Variants in SMURF1 observed in about 807,000 individuals in gnomAD.
SMURF1 encodes E3 ubiquitin-protein ligase SMURF1.
In SMURF1, 44 loss-of-function variants were observed where a neutral mutation model predicts 98.0. The ratio of observed to expected loss-of-function variants is 0.45; its 90% CI spans 0.35 to 0.58. The LOEUF is 0.58. Ranked by LOEUF, SMURF1 falls within the 20% of genes least tolerant of loss-of-function variation. The pLI, the probability that SMURF1 is intolerant of heterozygous loss-of-function variation, is 0.00. For missense variants in SMURF1, 687 were observed against 938.4 expected (o/e 0.73, Z 3.50); for synonymous variants, 396 against 374.9 (o/e 1.06, Z -0.65).
chr7:99,049,341 C>T (rs901040724), intron 9 of SMURF1: 3 of 519,922 alleles, frequency 5.8e-6, no homozygotes, highest in Non-Finnish European at 6.7e-6. Context: ...TTTATGTAGG[C>T]TGCAAGTAAG....
At chr7:99,075,197 C>G (rs1375927397) in intron 1 of SMURF1, among the ~76,000 whole-genome samples, 1 of 152,194 alleles carries the variant, frequency 6.6e-6, no homozygotes, top group African/African-American at 2.4e-5. Context: ...CAGCTCACTG[C>G]AGCCTCAACC....
At chr7:99,070,649 CTTTTTT>C (rs34341240) in intron 1 of SMURF1, among the ~76,000 whole-genome samples, 1 of 148,298 alleles carries the variant, frequency 6.7e-6, no homozygotes, top group Non-Finnish European at 1.5e-5. Context: ...TAGGTAATGA[CTTTTTT>C]TTTTTTAACT....
chr7:99,084,606 A>C (rs191089463), intron 1 of SMURF1, among the ~76,000 whole-genome samples: 35 of 152,246 alleles, frequency 2.3e-4, no homozygotes, highest in African/African-American at 7.9e-4. Flanking sequence ...GATAGTCTCA[A>C]TCTCTTGGCC....
chr7:99,095,697 G>A (rs1796942165), intron 1 of SMURF1, among the ~76,000 whole-genome samples: 1 of 152,166 alleles, frequency 6.6e-6, no homozygotes, highest in African/African-American at 2.4e-5. Flanking sequence ...TTAAATTTAA[G>A]GACCTAAAAG....
In SMURF1 at chr7:99,054,882, C is replaced by T. The variant is rs761284568; in HGVS notation, c.404-17G>A. The stretch of plus-strand genomic sequence containing the variant: ...GTAAACTGACTAAAAGAGAAAAGAA[C>T]GACTTGTGTTAAAACCCAGCGGGGT... On this transcript the variant is annotated splice_polypyrimidine_tract_variant and intron_variant, in intron 5 of 17. Coordinates refer to ENST00000361368, the MANE Select transcript of SMURF1 (RefSeq NM_181349.3). 25 of 1,613,122 alleles carry T rather than the reference C, an allele frequency of 1.5e-5. No individual in the cohort carries two copies. The South Asian group carries it at 1.6e-4, about 11-fold the overall frequency.
chr7:99,082,107 C>G (rs1457220520), intron 1 of SMURF1, among the ~76,000 whole-genome samples: 1 of 152,152 alleles, frequency 6.6e-6, no homozygotes, highest in East Asian at 1.9e-4. Flanking sequence ...CTGTTCAGAT[C>G]CTTTACCCAT....
At chr7:99,067,264 G>A (rs539128811) in intron 1 of SMURF1, among the ~76,000 whole-genome samples, 43 of 152,028 alleles carry the variant, frequency 2.8e-4, no homozygotes, top group Non-Finnish European at 5.4e-4. Context: ...CCAAAGTGCT[G>A]GGATTACAGG....
Position 99,143,876 on chromosome 7 carries a change from C to A in SMURF1, c.-96G>T. On this transcript the variant is annotated 5_prime_UTR_variant, in exon 1 of 18. Transcript: ENST00000361368. ...CGCCGCCGCCTCAAGGTTACGGCTC[C>A]GGGCTGGGCGCCGGGGTCCGAGCCG... 8.7e-7 allele frequency: 1 copy of A among 1,146,430 alleles called. No individual in the cohort carries two copies. 71.0% of individuals were successfully genotyped at this position (1,146,430 alleles called of 1,614,324 possible).
At chr7:99,083,067 G>C (rs927942744) in intron 1 of SMURF1, among the ~76,000 whole-genome samples, 1 of 152,062 alleles carries the variant, frequency 6.6e-6, no homozygotes, top group African/African-American at 2.4e-5. Flanking sequence ...CAGGAAATAA[G>C]GGGACCTGGG....
At position 99,069,958 on chromosome 7, in the gene SMURF1, C is replaced by T. The variant is rs73399243; in HGVS notation, c.56-8121G>A. Among the ~76,000 whole-genome samples, 406 of 152,334 alleles carry T rather than the reference C, an allele frequency of 2.7e-3. 6 individuals are homozygous for T. Among genetic ancestry groups the T allele is most frequent in the African/African-American group, 9.5e-3 (395 of 41,568 alleles). ...TAACAAAACACACTTTAGCACCCAC[C>T]GGCCATGCCTATTGGCTTTGGAGGT... On this transcript the variant is annotated intron_variant, in intron 1 of 17. Transcript: ENST00000361368.
intron 1 of SMURF1, among the ~76,000 whole-genome samples, chr7:99,105,900 CT>C: frequency 6.6e-6 from 1 of 152,344 alleles, no homozygotes; most frequent in South Asian, 2.1e-4. Context: ...AAGTGCTATT[CT>C]ACTTCCAAGC....
intron 1 of SMURF1, among the ~76,000 whole-genome samples, chr7:99,117,001 T>G (rs1482434910): frequency 6.6e-6 from 1 of 152,064 alleles, no homozygotes; most frequent in Non-Finnish European, 1.5e-5. Flanking sequence ...AGAGACATTA[T>G]AGATCAACAG....
At chr7:99,088,069 C>T (rs1265281831) in intron 1 of SMURF1, among the ~76,000 whole-genome samples, 1 of 151,762 alleles carries the variant, frequency 6.6e-6, no homozygotes, top group South Asian at 2.1e-4. Flanking sequence ...CCAGCCTGGC[C>T]AACATAGCAA....
intron 8 of SMURF1, chr7:99,050,987 G>C: frequency 6.4e-7 from 1 of 1,551,152 alleles, no homozygotes; most frequent in Non-Finnish European, 8.7e-7. Context: ...AATGGTCCCC[G>C]AGGGACTGAG....
chr7:99,076,787 ATG>A (rs1796468863), intron 1 of SMURF1, among the ~76,000 whole-genome samples: 1 of 152,086 alleles, frequency 6.6e-6, no homozygotes, highest in South Asian at 2.1e-4. Context: ...GCGTATGTAC[ATG>A]TGTGTGTGCG....
chr7:99,112,087 G>A (rs1467919964), intron 1 of SMURF1, among the ~76,000 whole-genome samples: 4 of 152,164 alleles, frequency 2.6e-5, no homozygotes, highest in Non-Finnish European at 4.4e-5. Context: ...ATACTTTAGG[G>A]AATATGGGCT....
rs533644480 is a variant in SMURF1 at position 99,067,815 on chromosome 7, G to A, written c.56-5978C>T. ...AAAAATACAAAAAATTTAGCCAGGC[G>A]TGGTGGCGGGTACCTGTAATCCTAG... On this transcript the variant is annotated intron_variant, in intron 1 of 17. Transcript: ENST00000361368. Among the ~76,000 whole-genome samples the A allele has an allele frequency of 1.3e-3, 199 of 152,140 alleles. 1 individual carries two copies. The highest frequency in any genetic ancestry group is 4.6e-3 in the African/African-American group (191 of 41,502).
chr7:99,126,310 C>A (rs1313527850), intron 1 of SMURF1, among the ~76,000 whole-genome samples: 1 of 151,022 alleles, frequency 6.6e-6, no homozygotes, highest in Non-Finnish European at 1.5e-5. Flanking sequence ...TAATAAAGTA[C>A]TTATTTCTTC....
Position 99,038,417 on chromosome 7 carries a change from G to A in SMURF1, c.1659C>T (p.Val553=), listed in dbSNP as rs771595176. 6.2e-7 allele frequency: 1 copy of A among 1,614,218 alleles called. No homozygotes were observed. The highest frequency in any genetic ancestry group is 1.1e-5 in the South Asian group (1 of 91,080). ...CGTATTCTTTCTTATTCTCCTCTGT[G>A]ACTGGCACATTTCTGCCATTGGGTT... The part of the protein sequence containing the change: ...ELKPNGRNVP[V]TEENKKEYVR... The change falls in exon 14 of 18, where the codon GTC becomes GTT. Residue 553 remains valine, a synonymous_variant. Coordinates refer to ENST00000361368, the MANE Select transcript of SMURF1 (RefSeq NM_181349.3).
Sources: gnomAD v4.1 joint callset for allele counts (sites outside exome capture counted in the v4.1 genomes callset) on GRCh38, gnomAD v4.1.1 for gene constraint, MANE v1.5 for transcripts, NCBI Gene and HGNC (gene_info 2026-07-23, HGNC 2026-07-21) for gene names.